GPNMB: variants seen among roughly 807,000 people sequenced by gnomAD.
GPNMB encodes the protein transmembrane glycoprotein NMB.
Under a neutral mutation model 57.3 loss-of-function variants are expected in GPNMB, and 71 were observed. The ratio of observed to expected loss-of-function variants is 1.24; its 90% CI spans 1.02 to 1.51. The LOEUF (loss-of-function observed/expected upper bound fraction) is 1.51, where lower values mean the gene tolerates loss of function less well. Ranked by LOEUF, GPNMB falls within the 40% of genes most tolerant of loss-of-function variation. The pLI, the probability that GPNMB is intolerant of heterozygous loss-of-function variation, is 0.00. For synonymous variants in GPNMB, 253 were observed against 263.2 expected, an observed-to-expected ratio of 0.96 and a Z score of 0.38; for missense variants, 677 against 691.9, an observed-to-expected ratio of 0.98 and a Z score of 0.24.
At chr7:23,254,051 A>ATATATTAAATT in intron 2 of GPNMB, 118 bp from the exon 3 acceptor site, 1 of 681,436 alleles carries the variant, frequency 1.5e-6, no homozygotes. Context: ...TATAAATTTA[A>ATATATTAAATT]TATATTATAA....
At chr7:23,249,420 C>T (rs1458891100) in intron 1 of GPNMB, among the ~76,000 whole-genome samples, 1 of 152,240 alleles carries the variant, frequency 6.6e-6, no homozygotes, top group East Asian at 1.9e-4. Context: ...AAAGTATTCT[C>T]ATGGCTATAG....
intron 5 of GPNMB, 68 bp downstream of exon 5, chr7:23,260,206 A>T: frequency 1.3e-6 from 2 of 1,531,764 alleles, no homozygotes; most frequent in Non-Finnish European, 1.8e-6. Flanking sequence ...GTTAAAAAAG[A>T]GGTAAGGCCA....
Position 23,270,021 on chromosome 7 carries a change from G to C in GPNMB, c.1275G>C (p.Gln425His). ...CTGACCCCACCTGCGAGATCACCCA[G>C]AACACAGTCTGCAGCCCTGTGGATG... is the stretch of plus-strand genomic sequence containing the variant. ...IISDPTCEITQNTVCSPVDVD... is the reference protein window; with the variant it reads ...IISDPTCEITHNTVCSPVDVD... The change falls in exon 9 of 11, where the codon CAG becomes CAC. Residue 425 changes from glutamine to histidine, a missense_variant. Gln to His is a conservative substitution (Grantham distance 24, BLOSUM62 0). Transcript: ENST00000258733. 6.2e-7 allele frequency: 1 copy of C among 1,614,102 alleles called. No individual in the cohort carries two copies. Among genetic ancestry groups the C allele is most frequent in the African/African-American group, 1.3e-5 (1 of 75,030 alleles).
intron 4 of GPNMB, chr7:23,257,404 G>C: frequency 2.2e-6 from 1 of 455,690 alleles, no homozygotes; most frequent in Non-Finnish European, 3.9e-6. Context: ...CGGGCATGTG[G>C]CTCACACTTG....
intron 10 of GPNMB, 108 bp from the exon 11 acceptor site, chr7:23,273,957 T>C (rs908546539): frequency 1.5e-5 from 12 of 821,510 alleles, no homozygotes; most frequent in Non-Finnish European, 2.3e-5. Context: ...CTGTCAATCA[T>C]GTTAAATGGA....
At chr7:23,260,995 A>T (rs1019935309) in intron 6 of GPNMB, among the ~76,000 whole-genome samples, 1 of 152,200 alleles carries the variant, frequency 6.6e-6, no homozygotes, top group African/African-American at 2.4e-5. Flanking sequence ...AATAGAATTC[A>T]GTGACTTGTA....
intron 1 of GPNMB, among the ~76,000 whole-genome samples, chr7:23,249,371 G>C (rs1168899653): frequency 2.6e-5 from 4 of 152,178 alleles, no homozygotes; most frequent in Non-Finnish European, 5.9e-5. Flanking sequence ...CCCAGATATT[G>C]ACATTGATAC....
At chr7:23,258,851 C>T (rs1782843220) in intron 4 of GPNMB, among the ~76,000 whole-genome samples, 1 of 152,240 alleles carries the variant, frequency 6.6e-6, no homozygotes, top group Non-Finnish European at 1.5e-5. Context: ...GTTTTTCTCA[C>T]ACGTTTGACG....
chr7:23,253,198 T>C (rs568910498), intron 1 of GPNMB, 109 bp from the exon 2 acceptor site: 77 of 887,716 alleles, frequency 8.7e-5, no homozygotes, highest in Non-Finnish European at 1.2e-4. Flanking sequence ...CTTGATGCAC[T>C]GAATATATTA....
Position 23,270,116 on chromosome 7 carries a change from C to T in GPNMB, c.1370C>T (p.Thr457Ile), listed in dbSNP as rs1434159557. Residue 457 changes from threonine (T) to isoleucine (I), a missense_variant, in exon 9 of 11, where the codon ACC becomes ATC. Physicochemically the swap from Thr to Ile is moderately conservative, Grantham distance 89. Coordinates refer to ENST00000258733, the MANE Select transcript of GPNMB (RefSeq NM_002510.3). ...NGSGTYCVNL[T>I]LGDDTSLALT... The stretch of plus-strand genomic sequence containing the variant: ...TCTGGGACGTACTGTGTGAACCTCA[C>T]CCTGGGGGATGACACAAGCCTGGCT... 1 of 1,614,146 alleles carries T rather than the reference C, an allele frequency of 6.2e-7. No homozygotes were observed. Among genetic ancestry groups the T allele is most frequent in the Middle Eastern group, 1.7e-4 (1 of 6,058 alleles).
chr7:23,251,620 T>C (rs1782663644), intron 1 of GPNMB, among the ~76,000 whole-genome samples: 1 of 152,238 alleles, frequency 6.6e-6, no homozygotes, highest in Non-Finnish European at 1.5e-5. Flanking sequence ...ATTTGTGTCC[T>C]CATAGTTAAA....
intron 6 of GPNMB, 144 bp downstream of exon 6, chr7:23,260,917 C>G (rs2128483046): frequency 1.7e-6 from 1 of 578,572 alleles, no homozygotes; most frequent in Non-Finnish European, 2.8e-6. Context: ...TTTTTTAAAG[C>G]AAAGTTATCA....
At chr7:23,272,272 A>G (rs186705706) in intron 9 of GPNMB, among the ~76,000 whole-genome samples, 113 of 152,316 alleles carry the variant, frequency 7.4e-4, no homozygotes, top group Admixed American at 2.0e-3. Flanking sequence ...GCTTTCCTTT[A>G]ATTCTTCTTG....
chr7:23,253,407 A>G lies in GPNMB; in HGVS notation c.171A>G (p.Lys57=). 6.2e-7 allele frequency: 1 copy of G among 1,613,782 alleles called. No individual in the cohort carries two copies. The highest frequency in any genetic ancestry group is 8.5e-7 in the Non-Finnish European group (1 of 1,179,808). Residue 57 remains lysine, a synonymous_variant, in exon 2 of 11, where the codon AAA becomes AAG. Transcript: ENST00000258733. ...CTGATGAAAATGACTGGAATGAAAAACTCTACCCAGTGTGGAAGCGGGGAG... is the reference window on the plus strand; with the variant it reads ...CTGATGAAAATGACTGGAATGAAAAGCTCTACCCAGTGTGGAAGCGGGGAG... ...WSSDENDWNE[K]LYPVWKRGDM... is the part of the protein sequence containing the mutation.
chr7:23,269,744 G>A (rs1199162607), intron 8 of GPNMB, among the ~76,000 whole-genome samples: 1 of 152,062 alleles, frequency 6.6e-6, no homozygotes, highest in Non-Finnish European at 1.5e-5. Flanking sequence ...CCACCCCAGG[G>A]CCTCACTTTC....
At chr7:23,270,231 C>A in intron 9 of GPNMB, 56 bp downstream of exon 9, 1 of 1,208,988 alleles carries the variant, frequency 8.3e-7, no homozygotes, top group Non-Finnish European at 1.2e-6. Context: ...AAGTGTGTAT[C>A]CCATACTAAA....
At chr7:23,268,027 A>G (rs996844008) in intron 8 of GPNMB, 39 bp downstream of exon 8, 10 of 1,233,632 alleles carry the variant, frequency 8.1e-6, no homozygotes, top group Non-Finnish European at 1.2e-5. Context: ...GGGTGGGTCA[A>G]CTGAGGACCT....
chr7:23,258,058 G>A (rs1386612664), intron 4 of GPNMB: 2 of 152,042 alleles, frequency 1.3e-5, no homozygotes, highest in Non-Finnish European at 2.9e-5. Context: ...AGCCCATTCT[G>A]TCTTTTTTTA....
chr7:23,262,816 C>A (rs538666625), intron 6 of GPNMB, among the ~76,000 whole-genome samples: 44 of 151,872 alleles, frequency 2.9e-4, no homozygotes, highest in African/African-American at 9.9e-4. Flanking sequence ...GATGGGGTTT[C>A]GCCGTGTTGC....
Sources: gnomAD v4.1 joint callset for allele counts (sites outside exome capture counted in the v4.1 genomes callset) on GRCh38, gnomAD v4.1.1 for gene constraint, MANE v1.5 for transcripts, NCBI Gene and HGNC (gene_info 2026-07-23, HGNC 2026-07-21) for gene names.